SPATA6L: variants seen among roughly 807,000 people sequenced by gnomAD.
SPATA6L encodes the protein spermatogenesis associated 6 like.
A neutral mutation model predicts 49.2 loss-of-function variants in SPATA6L; 68 were observed. The observed-to-expected ratio is 1.38, with a 90% CI of 1.14 to 1.69. The LOEUF (loss-of-function observed/expected upper bound fraction) is 1.69, where lower values mean the gene tolerates loss of function less well. Among genes scored for constraint, SPATA6L ranks in the 40% most tolerant of loss-of-function variants. SPATA6L has a pLI of 0.00. For missense variants in SPATA6L, 668 were observed against 464.3 expected (o/e 1.44, Z -4.03); for synonymous variants, 198 against 165.7 (o/e 1.19, Z -1.50).
intron 3 of SPATA6L, among the ~76,000 whole-genome samples, chr9:4,642,712 A>G (rs375610339): frequency 3.9e-5 from 6 of 152,236 alleles, no homozygotes; most frequent in African/African-American, 1.4e-4. Context: ...AAGAAAAAGA[A>G]AAGCACACAC....
chr9:4,649,348 G>C (rs537546600), intron 3 of SPATA6L, among the ~76,000 whole-genome samples: 1 of 152,188 alleles, frequency 6.6e-6, no homozygotes, highest in African/African-American at 2.4e-5. Context: ...CCCATCGGCA[G>C]TGTAGAAGTA....
chr9:4,647,968 G>C (rs569538735), intron 3 of SPATA6L, among the ~76,000 whole-genome samples: 2 of 151,978 alleles, frequency 1.3e-5, no homozygotes, highest in African/African-American at 4.8e-5. Flanking sequence ...TCGAGTAGCT[G>C]GGACTACAGG....
chr9:4,628,685 G>A (rs1830819646), intron 5 of SPATA6L: 1 of 166,130 alleles, frequency 6.0e-6, no homozygotes, highest in Non-Finnish European at 1.3e-5. Flanking sequence ...GACCTCAGGT[G>A]ATCCACCTGC....
chr9:4,645,895 G>A (rs1272198373), intron 3 of SPATA6L, among the ~76,000 whole-genome samples: 3 of 152,190 alleles, frequency 2.0e-5, no homozygotes, highest in Admixed American at 1.3e-4. Flanking sequence ...TAATGAAAAT[G>A]TTCTGGAATT....
chr9:4,637,285 C>T (rs750003312), intron 3 of SPATA6L, among the ~76,000 whole-genome samples: 7 of 152,148 alleles, frequency 4.6e-5, no homozygotes, highest in Non-Finnish European at 1.0e-4. Context: ...ATGGCTGGCT[C>T]CTTCCTACTG....
rs371424929 is a variant in SPATA6L at position 4,662,606 on chromosome 9, C to G, written c.40-570G>C. On this transcript the variant is annotated intron_variant, in intron 1 of 11. Transcript: ENST00000682582. This position sits in a 1 kb window ranked among gnomAD's most constrained non-coding sequence, Gnocchi z 4.9. ...GCTCCTTCCCCCTGGCCGCGGCGGG[C>G]CCCTCGCAGTCGCCCGCGCCTCCGC... 375 of 1,594,582 alleles carry G rather than the reference C, an allele frequency of 2.4e-4. 1 individual carries two copies. Among genetic ancestry groups the G allele is most frequent in the Non-Finnish European group, 3.1e-4 (364 of 1,177,864 alleles).
chr9:4,656,337 G>T (rs1174265672), intron 2 of SPATA6L, among the ~76,000 whole-genome samples: 1 of 152,112 alleles, frequency 6.6e-6, no homozygotes, highest in African/African-American at 2.4e-5. Flanking sequence ...TACTTGTGGG[G>T]CTGAGGCTGG....
At position 4,629,009 on chromosome 9, in the gene SPATA6L, A is replaced by C. The variant is rs964814898; in HGVS notation, c.429+82T>G. Reference sequence around the variant, plus strand: ...TTGTTTAGTTTCATGTAAACTTAATAAACTGAGTTTGGGCAAAAATTCTTT... The same window carrying C: ...TTGTTTAGTTTCATGTAAACTTAATCAACTGAGTTTGGGCAAAAATTCTTT... On this transcript the variant is annotated intron_variant, in intron 5 of 11. Transcript: ENST00000682582. 3.3e-6 allele frequency: 3 copies of C among 921,418 alleles called. No individual in the cohort carries two copies. The East Asian group carries it at 7.7e-5, about 24-fold the overall frequency. 57.1% of individuals were successfully genotyped at this position (921,418 alleles called of 1,614,324 possible).
intron 4 of SPATA6L, among the ~76,000 whole-genome samples, chr9:4,634,979 C>T (rs547321860): frequency 6.6e-6 from 1 of 152,264 alleles, no homozygotes; most frequent in Non-Finnish European, 1.5e-5. Context: ...GTCATAATAG[C>T]TATAACTAAA....
intron 5 of SPATA6L, 33 bp downstream of exon 5, chr9:4,629,058 T>C: frequency 6.8e-7 from 1 of 1,460,030 alleles, no homozygotes; most frequent in Non-Finnish European, 9.4e-7. Flanking sequence ...AAAAATCCGG[T>C]CATTTCTATC....
At chr9:4,660,879 T>C (rs965671466) in intron 2 of SPATA6L, among the ~76,000 whole-genome samples, 14 of 152,266 alleles carry the variant, frequency 9.2e-5, no homozygotes, top group African/African-American at 3.1e-4. Context: ...GTGTCCTTTG[T>C]AGGGACATGG....
intron 2 of SPATA6L, among the ~76,000 whole-genome samples, chr9:4,660,832 C>T (rs556344663): frequency 3.9e-4 from 60 of 152,290 alleles, no homozygotes; most frequent in African/African-American, 1.1e-3. Flanking sequence ...ACATATACAC[C>T]GTGGAATACT....
chr9:4,590,224 G>A (rs1350618895), intron 13 of SPATA6L, among the ~76,000 whole-genome samples: 3 of 152,060 alleles, frequency 2.0e-5, no homozygotes, highest in African/African-American at 7.2e-5. Context: ...GTGCCTGGCT[G>A]GGAACAAAAT....
intron 9 of SPATA6L, among the ~76,000 whole-genome samples, chr9:4,605,899 G>C (rs377168751): frequency 0.022 from 3,341 of 152,322 alleles, 87 homozygotes; most frequent in African/African-American, 0.067. Context: ...ATCTGAGGTA[G>C]CGGGTTCATC....
At chr9:4,655,185 A>G (rs537848632) in intron 3 of SPATA6L, among the ~76,000 whole-genome samples, 50 of 152,386 alleles carry the variant, frequency 3.3e-4, no homozygotes, top group African/African-American at 1.1e-3. Flanking sequence ...AATGTGATAT[A>G]TTCATCCAAC....
At chr9:4,635,979 C>A (rs1370480795) in intron 3 of SPATA6L, among the ~76,000 whole-genome samples, 1 of 152,206 alleles carries the variant, frequency 6.6e-6, no homozygotes, top group Non-Finnish European at 1.5e-5. Flanking sequence ...TCTCCCCCAT[C>A]CCCAGTGACT....
intron 9 of SPATA6L, among the ~76,000 whole-genome samples, chr9:4,605,673 A>G (rs1312235418): frequency 1.3e-5 from 2 of 152,226 alleles, no homozygotes; most frequent in Non-Finnish European, 2.9e-5. Context: ...ATGTGTGGCT[A>G]TGAGTGATTC....
Position 4,600,709 on chromosome 9 carries a change from C to T in SPATA6L, c.*102G>A, listed in dbSNP as rs1156441383. The T allele has an allele frequency of 1.3e-5, 2 of 152,190 alleles. No homozygotes were observed. Among genetic ancestry groups the T allele is most frequent in the East Asian group, 3.8e-4 (2 of 5,202 alleles). The allele number at this position is 152,190 out of a possible 1,614,324, so 9.4% of individuals were successfully genotyped here. ...TTTAAAGGGGATTAGACATCAGTGA[C>T]TCAACACAGACAACAAAAAGTGTTC... On this transcript the variant is annotated 3_prime_UTR_variant, in exon 12 of 12. Transcript: ENST00000682582.
Position 4,605,396 on chromosome 9 carries a change from C to G in SPATA6L, c.1040G>C (p.Arg347Thr), listed in dbSNP as rs757628006. The change falls in exon 10 of 12, where the codon AGG becomes ACG. Residue 347 changes from arginine to threonine, a missense_variant. Physicochemically the swap from Arg to Thr is moderately conservative, Grantham distance 71. Transcript: ENST00000682582. ...GTGGGATGTCAGAAGACTGCATACC[C>G]TCTCATGGATATTCTTCCATGTGGA... is the stretch of plus-strand genomic sequence containing the variant. ...SQSTWKNIHE[R>T]VCSLLTSHRA... 5.0e-6 allele frequency: 8 copies of G among 1,614,042 alleles called. No homozygotes were observed. The highest frequency in any genetic ancestry group is 1.6e-4 in the Middle Eastern group (1 of 6,084).
Sources: gnomAD v4.1 joint callset for allele counts (sites outside exome capture counted in the v4.1 genomes callset) on GRCh38, gnomAD v4.1.1 for gene constraint, Gnocchi (gnomAD v3.1) non-coding constraint, MANE v1.5 for transcripts, NCBI Gene and HGNC (gene_info 2026-07-23, HGNC 2026-07-21) for gene names.